Variants in TTC39B observed in about 807,000 individuals in gnomAD.
The protein encoded by TTC39B is tetratricopeptide repeat protein 39B.
A neutral mutation model predicts 96.6 loss-of-function variants in TTC39B; 92 were observed. The observed-to-expected ratio is 0.95, with a 90% confidence interval of 0.80 to 1.13. TTC39B has a LOEUF of 1.13. Ranked by LOEUF, TTC39B falls within the 50% of genes most tolerant of loss-of-function variation. The pLI, the probability that TTC39B is intolerant of heterozygous loss-of-function variation, is 0.00. For synonymous variants in TTC39B, 367 were observed against 299.4 expected, an observed-to-expected ratio of 1.23 and a Z score of -2.33; for missense variants, 955 against 809.3, an observed-to-expected ratio of 1.18 and a Z score of -2.18.
chr9:15,226,264 C>A (rs920203373), intron 2 of TTC39B, among the ~76,000 whole-genome samples: 1 of 152,178 alleles, frequency 6.6e-6, no homozygotes, highest in African/African-American at 2.4e-5. Context: ...CTCCACAGGT[C>A]TCCACCCAAA....
intron 8 of TTC39B, among the ~76,000 whole-genome samples, chr9:15,196,939 T>C (rs914973104): frequency 3.3e-5 from 5 of 152,210 alleles, no homozygotes; most frequent in Non-Finnish European, 7.3e-5. Flanking sequence ...CCACCCTGAA[T>C]GTCAGCAGCC....
chr9:15,193,841 T>G (rs1818998029), intron 8 of TTC39B, among the ~76,000 whole-genome samples: 1 of 152,224 alleles, frequency 6.6e-6, no homozygotes, highest in Non-Finnish European at 1.5e-5. Context: ...TGAAAGATGT[T>G]TTACTAAATA....
chr9:15,177,751 T>C (rs1818020838), exon 18 of TTC39B: 3 of 1,613,766 alleles, frequency 1.9e-6, no homozygotes, highest in Non-Finnish European at 2.5e-6. Context: ...CTGTAAGTTC[T>C]TGAGGCAACA....
rs72700644 is a variant in TTC39B at position 15,237,771 on chromosome 9, G to A, written c.276-11759C>T. 7.6e-3 allele frequency among the ~76,000 whole-genome samples: 1,149 copies of A among 151,916 alleles called. 24 individuals are homozygous for A. Among genetic ancestry groups the A allele is most frequent in the East Asian group, 0.027 (138 of 5,162 alleles). The stretch of plus-strand genomic sequence containing the variant: ...ACTATTACAAAAAATTTGAGGAGGT[G>A]CAATAACACCTTCTGTGAATCCAGG... On this transcript the variant is annotated intron_variant, in intron 2 of 19. Coordinates refer to ENST00000512701, the Ensembl canonical transcript of TTC39B.
chr9:15,206,301 A>T (rs904952681), intron 6 of TTC39B, among the ~76,000 whole-genome samples: 2 of 151,962 alleles, frequency 1.3e-5, no homozygotes, highest in Non-Finnish European at 2.9e-5. Flanking sequence ...AAGTTTAATG[A>T]AATATACTCA....
At chr9:15,240,886 G>A (rs1360716970) in intron 2 of TTC39B, among the ~76,000 whole-genome samples, 1 of 151,984 alleles carries the variant, frequency 6.6e-6, no homozygotes, top group Non-Finnish European at 1.5e-5. Context: ...TGCTTCAATA[G>A]GTCTACTATT....
At chr9:15,177,871 T>A in intron 17 of TTC39B, 57 bp from the exon 18 acceptor site, 17 of 569,698 alleles carry the variant, frequency 3.0e-5, no homozygotes, top group Non-Finnish European at 3.9e-5. Context: ...TTTAAGATCT[T>A]TTTTTTTTTT....
chr9:15,167,028 A>ATATATATATTTTTTTT (rs1554758710), exon 20 of TTC39B: 1 of 11,032 alleles, frequency 9.1e-5, no homozygotes, highest in Non-Finnish European at 1.6e-4. Context: ...ATATATATAT[A>ATATATATATTTTTTTT]TTTTTTTTTT....
rs536955944 is a variant in TTC39B at position 15,271,391 on chromosome 9, T to G, written c.241-3443A>C. 1.7e-3 allele frequency among the ~76,000 whole-genome samples: 260 copies of G among 152,320 alleles called. 1 individual carries two copies. The highest frequency in any genetic ancestry group is 6.1e-3 in the African/African-American group (253 of 41,570). ...GTGAGACAGCAGTTCCCAACCTTTT[T>G]GGCACCAGGGACTGGTTTCATGGGA... On this transcript the variant is annotated intron_variant, in intron 1 of 19. Transcript: ENST00000512701.
At chr9:15,200,965 C>T (rs1169782462) in intron 7 of TTC39B, among the ~76,000 whole-genome samples, 4 of 152,098 alleles carry the variant, frequency 2.6e-5, no homozygotes, top group Non-Finnish European at 4.4e-5. Flanking sequence ...CGCCACTGCA[C>T]TCCAGCCTGG....
chr9:15,187,862 G>T, intron 14 of TTC39B, 109 bp downstream of exon 14: 1 of 1,180,594 alleles, frequency 8.5e-7, no homozygotes, highest in Non-Finnish European at 1.1e-6. Context: ...GGATCTCTAA[G>T]TTGAGAAAAC....
At chr9:15,298,839 C>T (rs1186776741) in intron 1 of TTC39B, among the ~76,000 whole-genome samples, 1 of 152,182 alleles carries the variant, frequency 6.6e-6, no homozygotes, top group African/African-American at 2.4e-5. Flanking sequence ...CTGTCCAGAG[C>T]ACCACAGGAT....
exon 20 of TTC39B, chr9:15,170,478 T>C (rs1050108222): frequency 1.3e-5 from 2 of 152,242 alleles, no homozygotes. Context: ...TAATTCATAC[T>C]TTTGTATAGC....
chr9:15,264,809 C>G (rs1823070591), intron 2 of TTC39B, among the ~76,000 whole-genome samples: 1 of 150,076 alleles, frequency 6.7e-6, no homozygotes, highest in Non-Finnish European at 1.5e-5. Flanking sequence ...AAAGCAAAAA[C>G]AAAAAGTACA....
At chr9:15,282,523 A>T (rs1221868213) in intron 1 of TTC39B, among the ~76,000 whole-genome samples, 1 of 152,242 alleles carries the variant, frequency 6.6e-6, no homozygotes, top group African/African-American at 2.4e-5. Context: ...ACCATGAGAA[A>T]GGTGGTCTTT....
intron 2 of TTC39B, among the ~76,000 whole-genome samples, chr9:15,236,763 C>T (rs935993118): frequency 6.6e-6 from 1 of 152,100 alleles, no homozygotes; most frequent in Non-Finnish European, 1.5e-5. Flanking sequence ...TAAAAAAATT[C>T]TTTTAAATGA....
At chr9:15,305,335 G>C (rs1824721923) in intron 1 of TTC39B, among the ~76,000 whole-genome samples, 1 of 152,204 alleles carries the variant, frequency 6.6e-6, no homozygotes, top group African/African-American at 2.4e-5. Context: ...TGAGCCCAAA[G>C]TAAATGCTCA....
At chr9:15,163,923 A>G (rs1269204199) in exon 20 of TTC39B, 1 of 152,242 alleles carries the variant, frequency 6.6e-6, no homozygotes, top group African/African-American at 2.4e-5. Flanking sequence ...TTATATTAGC[A>G]TTAGCTTAAA....
At chr9:15,277,781 A>T (rs1382161759) in intron 1 of TTC39B, among the ~76,000 whole-genome samples, 1 of 152,220 alleles carries the variant, frequency 6.6e-6, no homozygotes, top group Non-Finnish European at 1.5e-5. Context: ...TCATTCATCC[A>T]AGGAAGGCTG....
Sources: gnomAD v4.1 joint callset for allele counts (sites outside exome capture counted in the v4.1 genomes callset) on GRCh38, gnomAD v4.1.1 for gene constraint, MANE v1.5 for transcripts, NCBI Gene and HGNC (gene_info 2026-07-23, HGNC 2026-07-21) for gene names.